POLR2D: variants seen among roughly 807,000 people sequenced by gnomAD.
The protein encoded by POLR2D is RNA polymerase II subunit D, also known as DNA-directed RNA polymerase II subunit RPB4.
Under a neutral mutation model 17.6 loss-of-function variants are expected in POLR2D, and 10 were observed. The observed-to-expected ratio is 0.57, with a 90% confidence interval of 0.35 to 0.96. POLR2D has a LOEUF of 0.96. Among genes scored for constraint, POLR2D ranks in the 40% least tolerant of loss-of-function variants. POLR2D has a pLI of 0.02. For missense variants in POLR2D, 126 were observed against 176.4 expected (o/e 0.71, Z 1.62); for synonymous variants, 52 against 60.2 (o/e 0.86, Z 0.63).
intron 1 of POLR2D, among the ~76,000 whole-genome samples, chr2:127,855,673 C>T (rs965605648): frequency 2.9e-4 from 44 of 152,184 alleles, no homozygotes; most frequent in Admixed American, 1.4e-3. Context: ...GATTCAGCAT[C>T]AACAAAATGG....
At chr2:127,853,609 G>C (rs912019467) in intron 1 of POLR2D, among the ~76,000 whole-genome samples, 23 of 151,936 alleles carry the variant, frequency 1.5e-4, no homozygotes, top group African/African-American at 5.1e-4. Flanking sequence ...CTGGAGTGTA[G>C]TGGCATGAAT....
chr2:127,854,419 C>A (rs1330086052), intron 1 of POLR2D, among the ~76,000 whole-genome samples: 1 of 152,174 alleles, frequency 6.6e-6, no homozygotes, highest in African/African-American at 2.4e-5. Context: ...TATAACCCCA[C>A]ACTGAAGAGG....
chr2:127,849,527 T>C (rs1690212948), intron 3 of POLR2D, among the ~76,000 whole-genome samples: 1 of 152,252 alleles, frequency 6.6e-6, no homozygotes, highest in Non-Finnish European at 1.5e-5. Context: ...ACGTAAATAA[T>C]ATGCAGCATA....
Position 127,846,854 on chromosome 2 carries a change from C to A in POLR2D, c.*1253G>T. On this transcript the variant is annotated 3_prime_UTR_variant, in exon 4 of 4. Transcript: ENST00000272645. ...CCACTGTGCTGTGAATGGCACAACTCACATGGTAATGTAGCTTCACATCCA... is the reference window on the plus strand; with the variant it reads ...CCACTGTGCTGTGAATGGCACAACTAACATGGTAATGTAGCTTCACATCCA... 1 of 154,226 alleles carries A rather than the reference C, an allele frequency of 6.5e-6. No individual in the cohort carries two copies. The highest frequency in any genetic ancestry group is 1.9e-4 in the South Asian group (1 of 5,158). The allele number at this position is 154,226 out of a possible 1,614,324, so 9.6% of individuals were successfully genotyped here.
rs766957248 is a variant in POLR2D at position 127,858,053 on chromosome 2, G to A, written c.48C>T (p.Asp16=). ...SDPRAGDVEE[D]ASQLIFPKEF... is the part of the protein sequence containing the mutation. ...CTTTAGGAAAGATGAGCTGTGAGGC[G>A]TCCTCCTCTACGTCGCCAGCCCGCG... The change falls in exon 1 of 4, where the codon GAC becomes GAT. Residue 16 remains aspartate (D), a synonymous_variant. Transcript: ENST00000272645. 5.7e-6 allele frequency: 9 copies of A among 1,569,960 alleles called. No individual in the cohort carries two copies. In the African/African-American group the frequency reaches 1.1e-4, roughly 20 times the overall value.
intron 1 of POLR2D, among the ~76,000 whole-genome samples, chr2:127,857,593 T>G (rs1290948554): frequency 6.6e-6 from 1 of 152,162 alleles, no homozygotes; most frequent in Non-Finnish European, 1.5e-5. Flanking sequence ...CTTCCCGCTT[T>G]TTTACATTTC....
At chr2:127,854,770 G>A (rs551901883) in intron 1 of POLR2D, among the ~76,000 whole-genome samples, 4 of 152,046 alleles carry the variant, frequency 2.6e-5, no homozygotes, top group African/African-American at 7.2e-5. Flanking sequence ...GAGTTTAAAC[G>A]AAAACCTCAG....
intron 1 of POLR2D, among the ~76,000 whole-genome samples, chr2:127,857,333 A>G (rs1690353814): frequency 1.3e-5 from 2 of 152,186 alleles, no homozygotes; most frequent in Admixed American, 1.3e-4. Context: ...ATAAATCAAT[A>G]AATCAATAAA....
chr2:127,855,249 C>T (rs11691858), intron 1 of POLR2D, among the ~76,000 whole-genome samples: 36,226 of 151,650 alleles, frequency 0.24, 5,612 homozygotes, highest in South Asian at 0.5. Context: ...AAAAATTAGT[C>T]GGGAGTGGTG....
At chr2:127,851,911 C>T (rs1192875337) in intron 2 of POLR2D, among the ~76,000 whole-genome samples, 6 of 152,196 alleles carry the variant, frequency 3.9e-5, no homozygotes, top group African/African-American at 1.4e-4. Context: ...CTTTCTCAGG[C>T]TCCCAAGTAG....
In POLR2D at chr2:127,850,355, G is replaced by A. The variant is rs1000587245; in HGVS notation, c.350+235C>T. ...CTCGGGAGGCTGAGGCAGGAGAATCGCTTGAACCCAGGAGACAGAGGTTGT... is the reference window on the plus strand; with the variant it reads ...CTCGGGAGGCTGAGGCAGGAGAATCACTTGAACCCAGGAGACAGAGGTTGT... On this transcript the variant is annotated intron_variant, in intron 3 of 3. Coordinates refer to ENST00000272645, the MANE Select transcript of POLR2D (RefSeq NM_004805.4). Among the ~76,000 whole-genome samples the A allele has an allele frequency of 4.2e-5, 6 of 143,526 alleles. No homozygotes were observed. The South Asian group carries it at 1.1e-3, about 26-fold the overall frequency. The allele number at this position is 143,526 out of a possible 152,430, so 94.2% of individuals were successfully genotyped here. A position where few individuals can be genotyped will look rare whatever the true frequency, so the allele number is the denominator to read the frequency against.
In POLR2D at chr2:127,846,387, C is replaced by A. The variant is rs1690156743; in HGVS notation, c.*1720G>T. On this transcript the variant is annotated 3_prime_UTR_variant, in exon 4 of 4. Transcript: ENST00000272645. ...GATCACAAGTTCATACAGAGTCAAGCAAGTGCCCCAAAGAAAAACCCCAAA... is the reference window on the plus strand; with the variant it reads ...GATCACAAGTTCATACAGAGTCAAGAAAGTGCCCCAAAGAAAAACCCCAAA... The A allele has an allele frequency of 6.6e-6, 1 of 152,290 alleles. No homozygotes were observed. Among genetic ancestry groups the A allele is most frequent in the East Asian group, 1.9e-4 (1 of 5,190 alleles). 9.4% of individuals were successfully genotyped at this position (152,290 alleles called of 1,614,324 possible).
chr2:127,850,946 C>T (rs772811582), intron 2 of POLR2D, among the ~76,000 whole-genome samples: 8 of 151,704 alleles, frequency 5.3e-5, no homozygotes, highest in Non-Finnish European at 1.2e-4. Context: ...ATTGCCAAGG[C>T]GCAGTGGCTC....
rs563752700 is a variant in POLR2D at position 127,844,983 on chromosome 2, C to T, written c.*3124G>A. 6.6e-6 allele frequency: 1 copy of T among 152,250 alleles called. No homozygotes were observed. The highest frequency in any genetic ancestry group is 1.9e-4 in the East Asian group (1 of 5,180). The allele number at this position is 152,250 out of a possible 1,614,324, so 9.4% of individuals were successfully genotyped here. On this transcript the variant is annotated 3_prime_UTR_variant, in exon 4 of 4. Transcript: ENST00000272645. ...GCTGCTTTTTAAATCTGCTTTTAATCACCTTGATAAATACCACTGATTAGT... is the reference window on the plus strand; with the variant it reads ...GCTGCTTTTTAAATCTGCTTTTAATTACCTTGATAAATACCACTGATTAGT...
intron 1 of POLR2D, among the ~76,000 whole-genome samples, chr2:127,856,330 A>T (rs1690329444): frequency 7.4e-6 from 1 of 135,332 alleles, no homozygotes; most frequent in African/African-American, 2.8e-5. Flanking sequence ...GGTGGCTCAC[A>T]CCTGTAATCT....
intron 3 of POLR2D, among the ~76,000 whole-genome samples, chr2:127,848,635 G>A (rs1006962958): frequency 6.6e-6 from 1 of 152,140 alleles, no homozygotes; most frequent in Non-Finnish European, 1.5e-5. Flanking sequence ...TCCTGCCTCA[G>A]CCTCCCAAGT....
rs1690110876 is a variant in POLR2D at position 127,844,094 on chromosome 2, A to C, written c.*4013T>G. On this transcript the variant is annotated 3_prime_UTR_variant, in exon 4 of 4. Transcript: ENST00000272645. Reference sequence around the variant, plus strand: ...ACTCCAGCCTGGGCGACAGAGCAAGATCCTGCTGTATCCAAAAAAAAAAAA... The same window carrying C: ...ACTCCAGCCTGGGCGACAGAGCAAGCTCCTGCTGTATCCAAAAAAAAAAAA... 9.0e-6 allele frequency: 1 copy of C among 111,240 alleles called. No individual in the cohort carries two copies. Among genetic ancestry groups the C allele is most frequent in the African/African-American group, 3.5e-5 (1 of 28,474 alleles). The allele number at this position is 111,240 out of a possible 1,614,324, so 6.9% of individuals were successfully genotyped here. A position where few individuals can be genotyped will look rare whatever the true frequency, so the allele number is the denominator to read the frequency against.
At chr2:127,854,319 C>G (rs1474184518) in intron 1 of POLR2D, among the ~76,000 whole-genome samples, 1 of 152,172 alleles carries the variant, frequency 6.6e-6, no homozygotes, top group Non-Finnish European at 1.5e-5. Flanking sequence ...TAATGTTTAT[C>G]TCAAAGTATT....
chr2:127,850,562 C>T (rs907824767), intron 3 of POLR2D, 28 bp downstream of exon 3: 3 of 936,834 alleles, frequency 3.2e-6, no homozygotes, highest in Non-Finnish European at 5.0e-6. Context: ...ATCCAGTATA[C>T]AGAGAACTTA....
Sources: gnomAD v4.1 joint callset for allele counts (sites outside exome capture counted in the v4.1 genomes callset) on GRCh38, gnomAD v4.1.1 for gene constraint, MANE v1.5 for transcripts, NCBI Gene and HGNC (gene_info 2026-07-23, HGNC 2026-07-21) for gene names.